Variants in ATP2C2 observed in about 807,000 individuals in gnomAD.
ATP2C2 encodes calcium-transporting ATPase type 2C member 2.
Under a neutral mutation model 110.8 loss-of-function variants are expected in ATP2C2, and 171 were observed. The ratio of observed to expected loss-of-function variants is 1.54; its 90% CI spans 1.36 to 1.75. The LOEUF is 1.75. Ranked by LOEUF, ATP2C2 falls within the 40% of genes most tolerant of loss-of-function variation. The probability of loss-of-function intolerance (pLI) is 0.00; values close to 1 mark genes in which losing one functional copy is unlikely to be tolerated. For missense variants in ATP2C2, 1,963 were observed against 1,235.0 expected, an observed-to-expected ratio of 1.59 and a Z score of -8.84; for synonymous variants, 804 against 508.4, an observed-to-expected ratio of 1.58 and a Z score of -7.82.
In ATP2C2 at chr16:84,460,396, G is replaced by C. The variant is rs145905122; in HGVS notation, c.2334-258G>C. ...GGAGATCATCTGGGTGTATGGAACT[G>C]TGTGTGGTTGGCCTTACGGGGTGGT... On this transcript the variant is annotated intron_variant, in intron 23 of 26. Transcript: ENST00000262429. The C allele has an allele frequency of 5.8e-5, 32 of 555,880 alleles. No individual in the cohort carries two copies. The African/African-American group carries it at 5.8e-4, about 10-fold the overall frequency. 34.4% of individuals were successfully genotyped at this position (555,880 alleles called of 1,614,324 possible).
chr16:84,459,512 C>T (rs1911052134), intron 23 of ATP2C2, 126 bp downstream of exon 23: 4 of 1,565,928 alleles, frequency 2.6e-6, no homozygotes, highest in South Asian at 2.3e-5. Flanking sequence ...TCAGGAGTTC[C>T]CAGAAAACTG....
At chr16:84,441,447 G>T (rs1385090512) in intron 14 of ATP2C2, among the ~76,000 whole-genome samples, 1 of 152,066 alleles carries the variant, frequency 6.6e-6, no homozygotes, top group Non-Finnish European at 1.5e-5. Context: ...ATGTTCCCCT[G>T]TTGCTGTGAT....
chr16:84,454,198 A>C (rs1478440762), intron 20 of ATP2C2, among the ~76,000 whole-genome samples: 1 of 152,120 alleles, frequency 6.6e-6, no homozygotes, highest in Admixed American at 6.5e-5. Flanking sequence ...CCGTCAGCTG[A>C]TTCACAGGGT....
At chr16:84,440,693 T>C (rs1007315809) in intron 13 of ATP2C2, among the ~76,000 whole-genome samples, 164 bp from the exon 14 acceptor site, 2 of 152,232 alleles carry the variant, frequency 1.3e-5, no homozygotes, top group Non-Finnish European at 2.9e-5. Flanking sequence ...CCATGACGTA[T>C]CCAATTAATC....
rs376880864 is a variant in ATP2C2, at chr16:84,424,599, T to TTTTTTTTTTTTTTTTTTTTTTTTTA, written c.920-1136_920-1135insTTTTTTTTTTTTTTTTTTTTTTTTA. ...GGCTTTTTTTTTTTTTTTTTTTTTT[T>TTTTTTTTTTTTTTTTTTTTTTTTTA]AACATTTTGGGAACTGCTCTAGCAG... On this transcript the variant is annotated intron_variant, in intron 10 of 26. Coordinates refer to ENST00000262429, the MANE Select transcript of ATP2C2 (RefSeq NM_014861.4). Among the ~76,000 whole-genome samples the TTTTTTTTTTTTTTTTTTTTTTTTTA allele has an allele frequency of 4.6e-5, 6 of 131,316 alleles. 1 individual carries two copies. Among genetic ancestry groups the TTTTTTTTTTTTTTTTTTTTTTTTTA allele is most frequent in the Non-Finnish European group, 8.1e-5 (5 of 61,770 alleles). 86.1% of individuals were successfully genotyped at this position (131,316 alleles called of 152,430 possible). A position where few individuals can be genotyped will look rare whatever the true frequency, so the allele number is the denominator to read the frequency against.
chr16:84,451,683 C>T (rs760999164), intron 17 of ATP2C2, among the ~76,000 whole-genome samples: 1 of 152,114 alleles, frequency 6.6e-6, no homozygotes, highest in Non-Finnish European at 1.5e-5. Context: ...ACTAAAAATA[C>T]AAAAATTAGC....
chr16:84,462,046 T>A lies in ATP2C2; in HGVS notation c.2639T>A (p.Leu880Gln). ...AACCACATGTTCCTCTACTCCGTCCTGGGGTCCATCCTGGGGCAGCTGGCG... is the reference window on the plus strand; with the variant it reads ...AACCACATGTTCCTCTACTCCGTCCAGGGGTCCATCCTGGGGCAGCTGGCG... The part of the protein sequence containing the change: ...LRNHMFLYSV[L>Q]GSILGQLAVI... The change falls in exon 26 of 27, where the codon CTG (leucine) becomes CAG (glutamine). Residue 880 changes from leucine (L) to glutamine (Q), a missense_variant. Leu to Gln is a moderately radical substitution (Grantham distance 113). Transcript: ENST00000262429. 6.2e-7 allele frequency: 1 copy of A among 1,614,076 alleles called. No individual in the cohort carries two copies. The highest frequency in any genetic ancestry group is 8.5e-7 in the Non-Finnish European group (1 of 1,179,982).
chr16:84,447,233 C>G (rs777824204), intron 16 of ATP2C2, among the ~76,000 whole-genome samples: 5 of 152,194 alleles, frequency 3.3e-5, no homozygotes, highest in Non-Finnish European at 4.4e-5. Context: ...GCTCAGCCAG[C>G]TCATGCCAGG....
Position 84,462,099 on chromosome 16 carries a change from G to GTCTT in ATP2C2, c.2693_2696dup (p.Gln900LeufsTer10), listed in dbSNP as rs1170823412. On this transcript the variant is annotated frameshift_variant, in exon 26 of 27. Coordinates refer to ENST00000262429, the MANE Select transcript of ATP2C2 (RefSeq NM_014861.4). LOFTEE classifies it low-confidence loss of function (END_TRUNC). ...CATTTACATCCCCCCGCTGCAGAGG[G>GTCTT]TCTTCCAGACGGAGAACCTGGGAGC... 4 of 1,613,982 alleles carry GTCTT rather than the reference G, an allele frequency of 2.5e-6. No homozygotes were observed. Among genetic ancestry groups the GTCTT allele is most frequent in the Middle Eastern group, 1.7e-4 (1 of 6,056 alleles).
At chr16:84,435,543 T>C (rs1253816639) in intron 11 of ATP2C2, among the ~76,000 whole-genome samples, 2 of 152,206 alleles carry the variant, frequency 1.3e-5, no homozygotes, top group Admixed American at 1.3e-4. Context: ...AACAGCCACC[T>C]GGCCAAGCTT....
chr16:84,396,358 C>A (rs950288755), intron 1 of ATP2C2, among the ~76,000 whole-genome samples: 16 of 151,814 alleles, frequency 1.1e-4, no homozygotes, highest in African/African-American at 3.9e-4. Context: ...CCAGCCTGGC[C>A]AACCTGGTGA....
In ATP2C2 at chr16:84,455,111, G is replaced by A. The variant is rs1290451172; in HGVS notation, c.2147+127G>A. 6.3e-6 allele frequency: 8 copies of A among 1,270,104 alleles called. 1 individual carries two copies. In the East Asian group the frequency reaches 7.7e-5, roughly 12 times the overall value. The allele number at this position is 1,270,104 out of a possible 1,614,324, so 78.7% of individuals were successfully genotyped here. A position where few individuals can be genotyped will look rare whatever the true frequency, so the allele number is the denominator to read the frequency against. On this transcript the variant is annotated intron_variant, in intron 21 of 26. Transcript: ENST00000262429. Reference sequence around the variant, plus strand: ...GAGTCCCCAGGGAGAGCTGAATCTCGGGGCTCGTCAGTGTGGCAGGTGCCC... The same window carrying A: ...GAGTCCCCAGGGAGAGCTGAATCTCAGGGCTCGTCAGTGTGGCAGGTGCCC...
chr16:84,418,566 C>G (rs190599559), intron 7 of ATP2C2, among the ~76,000 whole-genome samples: 2 of 152,186 alleles, frequency 1.3e-5, no homozygotes, highest in African/African-American at 2.4e-5. Context: ...CTTAAGAGAC[C>G]AGCACTGTTA....
intron 10 of ATP2C2, among the ~76,000 whole-genome samples, chr16:84,423,927 G>A (rs1228195111): frequency 6.6e-6 from 1 of 152,196 alleles, no homozygotes. Flanking sequence ...TAGATCTTAA[G>A]GCTTGACATC....
chr16:84,406,465 C>T (rs1457121384), intron 3 of ATP2C2: 7 of 445,848 alleles, frequency 1.6e-5, no homozygotes, highest in Non-Finnish European at 2.1e-5. Flanking sequence ...AGGCTTCAAC[C>T]GCCTTCCTAT....
chr16:84,444,662 C>G (rs1487554352), intron 15 of ATP2C2, among the ~76,000 whole-genome samples: 1 of 152,262 alleles, frequency 6.6e-6, no homozygotes, highest in Non-Finnish European at 1.5e-5. Context: ...GCAGGAATGA[C>G]ACCCATGTGT....
At chr16:84,400,528 C>T (rs1443997331) in intron 2 of ATP2C2, among the ~76,000 whole-genome samples, 7 of 152,022 alleles carry the variant, frequency 4.6e-5, no homozygotes, top group Non-Finnish European at 8.8e-5. Context: ...GGGGTTTCAC[C>T]GTGTTAGCCA....
intron 4 of ATP2C2, among the ~76,000 whole-genome samples, chr16:84,408,867 T>G (rs888505258): frequency 3.3e-5 from 5 of 152,062 alleles, no homozygotes; most frequent in African/African-American, 4.8e-5. Context: ...ATTTTTTTTT[T>G]ATTTAGATGA....
chr16:84,422,802 G>A, intron 9 of ATP2C2, 105 bp downstream of exon 9: 1 of 1,196,322 alleles, frequency 8.4e-7, no homozygotes, highest in Non-Finnish European at 1.2e-6. Context: ...AGTGGCATGT[G>A]GTTCATATGA....
Sources: gnomAD v4.1 joint callset for allele counts (sites outside exome capture counted in the v4.1 genomes callset) on GRCh38, gnomAD v4.1.1 for gene constraint, MANE v1.5 for transcripts, NCBI Gene and HGNC (gene_info 2026-07-23, HGNC 2026-07-21) for gene names.